KIAA1549L: variants seen among roughly 807,000 people sequenced by gnomAD.
KIAA1549L encodes UPF0606 protein KIAA1549L.
KIAA1549L carries 88 observed loss-of-function variants against 160.7 expected under a neutral mutation model. The observed-to-expected ratio is 0.55, with a 90% CI of 0.46 to 0.65. The LOEUF is 0.65. Among genes scored for constraint, KIAA1549L ranks in the 30% least tolerant of loss-of-function variants. The pLI, the probability that KIAA1549L is intolerant of heterozygous loss-of-function variation, is 0.00. For missense variants in KIAA1549L, 2,258 were observed against 2,437.5 expected, an observed-to-expected ratio of 0.93 and a Z score of 1.55; for synonymous variants, 950 against 976.7, an observed-to-expected ratio of 0.97 and a Z score of 0.51.
chr11:33,446,789 G>A (rs1332720174), intron 1 of KIAA1549L, among the ~76,000 whole-genome samples: 1 of 152,142 alleles, frequency 6.6e-6, no homozygotes, highest in Non-Finnish European at 1.5e-5. Flanking sequence ...GTCCTGAAAT[G>A]TGGTAGCTGG....
chr11:33,577,481 A>T (rs1016908962), intron 10 of KIAA1549L, among the ~76,000 whole-genome samples: 1 of 152,220 alleles, frequency 6.6e-6, no homozygotes, highest in African/African-American at 2.4e-5. Context: ...CTGTCAATGA[A>T]TGAGGCAATG....
intron 1 of KIAA1549L, among the ~76,000 whole-genome samples, chr11:33,404,757 C>T (rs1379307554): frequency 6.6e-5 from 10 of 152,096 alleles, no homozygotes; most frequent in Non-Finnish European, 1.2e-4. Flanking sequence ...CGCCTGTATT[C>T]CCAGCACTTT....
chr11:33,521,137 C>T (rs997837018), intron 1 of KIAA1549L, among the ~76,000 whole-genome samples: 2 of 152,262 alleles, frequency 1.3e-5, no homozygotes, highest in South Asian at 2.1e-4. Context: ...CGCCACTGCA[C>T]GCCAGCCCAG....
intron 20 of KIAA1549L, among the ~76,000 whole-genome samples, chr11:33,667,636 C>T (rs941192662): frequency 5.9e-5 from 9 of 152,162 alleles, no homozygotes; most frequent in Non-Finnish European, 1.2e-4. Flanking sequence ...CCTCATGAGC[C>T]GTCCACCTCG....
intron 1 of KIAA1549L, among the ~76,000 whole-genome samples, chr11:33,381,938 C>A (rs1417287578): frequency 1.3e-5 from 2 of 152,128 alleles, no homozygotes; most frequent in African/African-American, 2.4e-5. Context: ...ATTGAGACAG[C>A]AGTTCAGGTT....
chr11:33,417,663 C>G (rs1850915639), intron 1 of KIAA1549L, among the ~76,000 whole-genome samples: 1 of 152,168 alleles, frequency 6.6e-6, no homozygotes, highest in African/African-American at 2.4e-5. Flanking sequence ...CCTCGGGTTT[C>G]TGCTCAAATG....
In KIAA1549L at chr11:33,670,071, C is replaced by T. The variant is rs930640774; in HGVS notation, c.*1917C>T. On this transcript the variant is annotated 3_prime_UTR_variant, in exon 21 of 21. Transcript: ENST00000658780. The stretch of plus-strand genomic sequence containing the variant: ...GGTTAACACAATGCCTACGTCTATC[C>T]ACATAGGCATTCAATGCACTTGAAT... The T allele has an allele frequency of 6.6e-6, 1 of 152,160 alleles. No homozygotes were observed. The highest frequency in any genetic ancestry group is 1.5e-5 in the Non-Finnish European group (1 of 68,028). The allele number at this position is 152,160 out of a possible 1,614,324, so 9.4% of individuals were successfully genotyped here. A position where few individuals can be genotyped will look rare whatever the true frequency, so the allele number is the denominator to read the frequency against.
chr11:33,561,655 T>C, intron 7 of KIAA1549L, 21 bp from the exon 8 acceptor site: 1 of 1,560,002 alleles, frequency 6.4e-7, no homozygotes, highest in Non-Finnish European at 8.8e-7. Flanking sequence ...AGTAATTGGG[T>C]ATGTTTCTTA....
At chr11:33,567,293 A>G (rs1195872170) in intron 8 of KIAA1549L, among the ~76,000 whole-genome samples, 1 of 152,200 alleles carries the variant, frequency 6.6e-6, no homozygotes, top group Non-Finnish European at 1.5e-5. Context: ...TTTAAACCCT[A>G]GAGCTCATTG....
At chr11:33,394,991 C>T (rs762624380) in intron 1 of KIAA1549L, among the ~76,000 whole-genome samples, 24 of 152,312 alleles carry the variant, frequency 1.6e-4, no homozygotes, top group Middle Eastern at 3.4e-3. Flanking sequence ...GGCTGAAACA[C>T]GTAATCTTAG....
chr11:33,547,796 A>G lies in KIAA1549L; in HGVS notation c.3418A>G (p.Ser1140Gly), dbSNP rs746218501. 1 of 1,613,450 alleles carries G rather than the reference A, an allele frequency of 6.2e-7. No homozygotes were observed. Among genetic ancestry groups the G allele is most frequent in the Admixed American group, 1.7e-5 (1 of 59,990 alleles). ...TCTCACCCAAAGGAGAGTGCAGATC[A>G]GTGAATCCTTGAAGTTCAGTATCGC... is the stretch of plus-strand genomic sequence containing the variant. ...LFLTQRRVQI[S>G]ESLKFSIAKG... The change falls in exon 4 of 21, where the codon AGT becomes GGT. Residue 1140 changes from serine to glycine, a missense_variant. Ser to Gly is a moderately conservative substitution (Grantham distance 56). This residue lies in a region of KIAA1549L where 1,359 missense variants were observed against 1,546.6 expected (regional missense o/e 0.88). Coordinates refer to ENST00000658780, the MANE Select transcript of KIAA1549L (RefSeq NM_012194.3).
chr11:33,544,652 C>A, intron 2 of KIAA1549L, 115 bp from the exon 3 acceptor site: 1 of 1,356,824 alleles, frequency 7.4e-7, no homozygotes, highest in Non-Finnish European at 9.9e-7. Context: ...CACTGCAAGC[C>A]CAGATTGCAG....
chr11:33,504,356 C>G (rs1435989485), intron 1 of KIAA1549L, among the ~76,000 whole-genome samples: 1 of 152,174 alleles, frequency 6.6e-6, no homozygotes, highest in Non-Finnish European at 1.5e-5. Context: ...CTACTGTGGA[C>G]AGAGTAAATC....
intron 16 of KIAA1549L, among the ~76,000 whole-genome samples, chr11:33,629,283 G>A (rs1325026825): frequency 2.6e-5 from 4 of 152,090 alleles, no homozygotes; most frequent in Admixed American, 1.3e-4. Context: ...TGCTCTTCTC[G>A]AGGAGTATCT....
chr11:33,435,800 A>ATATGTGTGTGTG (rs1554976797), intron 1 of KIAA1549L, among the ~76,000 whole-genome samples: 227 of 12,886 alleles, frequency 0.018, 16 homozygotes, highest in South Asian at 0.025. Flanking sequence ...ATATATATAT[A>ATATGTGTGTGTG]TATATATATA....
intron 17 of KIAA1549L, among the ~76,000 whole-genome samples, chr11:33,651,854 TTCCCC>T (rs1344075307): frequency 4.0e-4 from 4 of 10,030 alleles, no homozygotes; most frequent in Non-Finnish European, 7.2e-4. Context: ...CCCCCTCCCA[TTCCCC>T]TCCCCTCCCC....
In KIAA1549L at chr11:33,560,017, A is replaced by C. The variant is rs1028277288; in HGVS notation, c.4018+106A>C. The C allele has an allele frequency of 1.3e-5, 14 of 1,051,718 alleles. No homozygotes were observed. The African/African-American group carries it at 2.1e-4, about 15-fold the overall frequency. 65.1% of individuals were successfully genotyped at this position (1,051,718 alleles called of 1,614,324 possible). Reference sequence around the variant, plus strand: ...CCACATACTACCACCTTTATCATAAAGTGACAGCTAAAATATGTGATGGAT... The same window carrying C: ...CCACATACTACCACCTTTATCATAACGTGACAGCTAAAATATGTGATGGAT... On this transcript the variant is annotated intron_variant, in intron 7 of 20. Coordinates refer to ENST00000658780, the MANE Select transcript of KIAA1549L (RefSeq NM_012194.3).
At chr11:33,637,937 C>G (rs1851479268) in intron 16 of KIAA1549L, among the ~76,000 whole-genome samples, 1 of 152,164 alleles carries the variant, frequency 6.6e-6, no homozygotes, top group Non-Finnish European at 1.5e-5. Context: ...ACAGTCCTTT[C>G]TTTTTCTCAA....
chr11:33,384,795 A>C (rs1474261019), intron 1 of KIAA1549L, among the ~76,000 whole-genome samples: 1 of 152,086 alleles, frequency 6.6e-6, no homozygotes, highest in African/African-American at 2.4e-5. Flanking sequence ...CCCATTTAAA[A>C]ATTGGATTGT....
Sources: allele counts gnomAD v4.1 joint callset (sites outside exome capture counted in the v4.1 genomes callset), GRCh38; gene constraint gnomAD v4.1.1; regional missense constraint gnomAD v4.1.1; transcripts MANE v1.5; gene names NCBI Gene and HGNC (gene_info 2026-07-23, HGNC 2026-07-21).